GALNTL6: variants seen among roughly 807,000 people sequenced by gnomAD.
The protein encoded by GALNTL6 is polypeptide N-acetylgalactosaminyltransferase like 6.
GALNTL6 carries 46 observed loss-of-function variants against 73.7 expected under a neutral mutation model. That is an observed-to-expected ratio of 0.62 (90% CI 0.49 to 0.80). The LOEUF (loss-of-function observed/expected upper bound fraction) is 0.80. GALNTL6 is among the 30% of genes least tolerant of loss of function. GALNTL6 has a pLI of 0.00. For synonymous variants in GALNTL6, 259 were observed against 263.7 expected, an observed-to-expected ratio of 0.98 and a Z score of 0.17; for missense variants, 604 against 755.0, an observed-to-expected ratio of 0.80 and a Z score of 2.34.
At chr4:172,832,917 G>A (rs796147398) in intron 7 of GALNTL6, among the ~76,000 whole-genome samples, 30 of 152,262 alleles carry the variant, frequency 2.0e-4, no homozygotes, top group African/African-American at 7.2e-4. Flanking sequence ...AAGGGGCGGT[G>A]ATCCCCACCA....
intron 5 of GALNTL6, among the ~76,000 whole-genome samples, chr4:172,782,364 GTT>G (rs1024129018): frequency 1.3e-5 from 2 of 152,118 alleles, no homozygotes; most frequent in Non-Finnish European, 2.9e-5. Flanking sequence ...TCAGGTAAGA[GTT>G]TGAGAGGAAG....
chr4:172,139,025 G>C (rs1050737435), intron 2 of GALNTL6, among the ~76,000 whole-genome samples: 1 of 152,066 alleles, frequency 6.6e-6, no homozygotes, highest in Admixed American at 6.6e-5. Context: ...CAATCGATCA[G>C]CAATGATTTG....
chr4:172,279,570 G>C (rs1164618701), intron 3 of GALNTL6, among the ~76,000 whole-genome samples: 1 of 152,112 alleles, frequency 6.6e-6, no homozygotes, highest in Non-Finnish European at 1.5e-5. Context: ...AAAGTAACAG[G>C]TGTTGGTGAA....
chr4:172,253,972 A>C (rs1249155071), intron 3 of GALNTL6, among the ~76,000 whole-genome samples: 5 of 151,850 alleles, frequency 3.3e-5, no homozygotes, highest in Non-Finnish European at 5.9e-5. Flanking sequence ...ACTAATGGGC[A>C]CTAAAATATG....
chr4:172,426,923 T>C (rs1478808377), intron 5 of GALNTL6, among the ~76,000 whole-genome samples: 12 of 150,776 alleles, frequency 8.0e-5, no homozygotes, highest in Non-Finnish European at 1.0e-4. Flanking sequence ...CTCTTATATA[T>C]ATATATATAT....
intron 2 of GALNTL6, among the ~76,000 whole-genome samples, chr4:172,019,561 G>T (rs1741331931): frequency 1.3e-5 from 2 of 151,994 alleles, no homozygotes; most frequent in Admixed American, 1.3e-4. Flanking sequence ...AAAACTATCA[G>T]AAAAGACAAA....
intron 5 of GALNTL6, among the ~76,000 whole-genome samples, chr4:172,418,939 C>T (rs1730947793): frequency 2.0e-5 from 1 of 50,740 alleles, no homozygotes; most frequent in African/African-American, 4.2e-5. Context: ...AAGTAGTTTT[C>T]TACGAGATTT....
chr4:171,848,027 T>C (rs940156240), intron 2 of GALNTL6, among the ~76,000 whole-genome samples: 10 of 152,216 alleles, frequency 6.6e-5, no homozygotes, highest in African/African-American at 2.4e-4. Flanking sequence ...TCACTGTCTA[T>C]GGCAGCAACA....
intron 2 of GALNTL6, among the ~76,000 whole-genome samples, chr4:171,945,985 A>G (rs1008418810): frequency 4.6e-5 from 7 of 152,178 alleles, no homozygotes; most frequent in Admixed American, 4.6e-4. Flanking sequence ...TACGCTTATA[A>G]AGAGCTTACT....
At chr4:172,220,040 T>C (rs970670369) in intron 2 of GALNTL6, among the ~76,000 whole-genome samples, 2 of 151,918 alleles carry the variant, frequency 1.3e-5, no homozygotes, top group African/African-American at 4.8e-5. Context: ...CTTCTAAGTC[T>C]TAGAAATCTT....
intron 2 of GALNTL6, among the ~76,000 whole-genome samples, chr4:172,190,121 A>G (rs1480069991): frequency 6.6e-6 from 1 of 152,188 alleles, no homozygotes; most frequent in Non-Finnish European, 1.5e-5. Context: ...AGGCTTGAAG[A>G]TTATGTTTGA....
intron 5 of GALNTL6, among the ~76,000 whole-genome samples, chr4:172,706,292 A>G (rs1337459109): frequency 6.6e-6 from 1 of 151,832 alleles, no homozygotes; most frequent in African/African-American, 2.4e-5. Context: ...AAGCTCCAGG[A>G]TTTCTGTTTG....
chr4:172,177,072 C>T (rs895940404), intron 2 of GALNTL6, among the ~76,000 whole-genome samples: 1 of 152,054 alleles, frequency 6.6e-6, no homozygotes, highest in African/African-American at 2.4e-5. Flanking sequence ...TTTTTATTTT[C>T]CCACCTCTGT....
At chr4:172,778,265 G>A (rs897126515) in intron 5 of GALNTL6, among the ~76,000 whole-genome samples, 1 of 152,196 alleles carries the variant, frequency 6.6e-6, no homozygotes, top group African/African-American at 2.4e-5. Flanking sequence ...ACATTCAAAT[G>A]TGTACAAAGG....
chr4:171,952,894 A>C (rs1411509629), intron 2 of GALNTL6, among the ~76,000 whole-genome samples: 1 of 152,168 alleles, frequency 6.6e-6, no homozygotes, highest in East Asian at 1.9e-4. Flanking sequence ...AAGAGCTTGA[A>C]ATTATTCATC....
At chr4:171,835,203 G>A (rs1003897005) in intron 2 of GALNTL6, among the ~76,000 whole-genome samples, 6 of 151,892 alleles carry the variant, frequency 4.0e-5, no homozygotes, top group Non-Finnish European at 7.4e-5. Flanking sequence ...TGCAAGAAAA[G>A]AATATTAATA....
intron 5 of GALNTL6, among the ~76,000 whole-genome samples, chr4:172,589,425 A>T (rs1048272856): frequency 6.6e-6 from 1 of 152,194 alleles, no homozygotes; most frequent in African/African-American, 2.4e-5. Context: ...TAGGTAAAGA[A>T]GTATTGGATC....
intron 4 of GALNTL6, among the ~76,000 whole-genome samples, chr4:172,322,892 A>G (rs1740807999): frequency 6.6e-6 from 1 of 152,180 alleles, no homozygotes; most frequent in Admixed American, 6.6e-5. Flanking sequence ...AGATAAATGC[A>G]GGACAACATC....
intron 2 of GALNTL6, among the ~76,000 whole-genome samples, chr4:172,080,391 C>T (rs769122606): frequency 5.3e-5 from 8 of 151,988 alleles, no homozygotes; most frequent in Admixed American, 2.0e-4. Context: ...GTATATTTCC[C>T]GGGTCCACAA....
Sources: allele counts gnomAD v4.1 joint callset (sites outside exome capture counted in the v4.1 genomes callset), GRCh38; gene constraint gnomAD v4.1.1; transcripts MANE v1.5; gene names NCBI Gene and HGNC (gene_info 2026-07-23, HGNC 2026-07-21).